Variants in EPHX1 observed in about 807,000 individuals in gnomAD.
EPHX1 encodes epoxide hydratase.
In EPHX1, 40 loss-of-function variants were observed where a neutral mutation model predicts 43.2. The observed-to-expected ratio is 0.93, with a 90% confidence interval of 0.72 to 1.21. The LOEUF (loss-of-function observed/expected upper bound fraction) is 1.21, where lower values mean the gene tolerates loss of function less well. EPHX1 is among the 50% of genes most tolerant of loss of function. The pLI is 0.00. For missense variants in EPHX1, 550 were observed against 570.4 expected (o/e 0.96, Z 0.36); for synonymous variants, 221 against 226.7 (o/e 0.98, Z 0.22).
intron 3 of EPHX1, among the ~76,000 whole-genome samples, chr1:225,833,572 G>A (rs979291496): frequency 2.0e-5 from 3 of 151,956 alleles, no homozygotes; most frequent in African/African-American, 7.3e-5. Flanking sequence ...GAGGCAGGTG[G>A]ATCACGAGGT....
intron 2 of EPHX1, among the ~76,000 whole-genome samples, chr1:225,829,116 T>A (rs1576003730): frequency 1.3e-5 from 2 of 152,146 alleles, no homozygotes; most frequent in Middle Eastern, 6.8e-3. Context: ...CCACTTTCTC[T>A]CTTCTCCTTT....
chr1:225,831,396 A>G (rs530286082), intron 2 of EPHX1, among the ~76,000 whole-genome samples: 10 of 152,202 alleles, frequency 6.6e-5, no homozygotes, highest in Non-Finnish European at 1.5e-4. Flanking sequence ...TAAAAATGCA[A>G]AAATTAGCCG....
rs1668512864 is a variant in EPHX1, at chr1:225,842,491, C to G, written c.1040+17C>G. ...CCTGGAAAGGTGAGGCCCTGGTTTG[C>G]CCCTGCAGTCATGACCCTGGTCCCA... On this transcript the variant is annotated intron_variant, in intron 7 of 8. Coordinates refer to ENST00000272167, the MANE Select transcript of EPHX1 (RefSeq NM_001136018.4). 1.9e-6 allele frequency: 3 copies of G among 1,568,082 alleles called. No individual in the cohort carries two copies. The highest frequency in any genetic ancestry group is 2.7e-5 in the African/African-American group (2 of 73,888).
In EPHX1 at chr1:225,828,112, G is replaced by A. The variant is rs373140482; in HGVS notation, c.-5-613G>A. ...TGTAATCCCAGCACTTTGGGAGGCC[G>A]AGGCGGGCGGATCACGAGGTCAAGA... is the stretch of plus-strand genomic sequence containing the variant. On this transcript the variant is annotated intron_variant, in intron 1 of 8. Coordinates refer to ENST00000272167, the MANE Select transcript of EPHX1 (RefSeq NM_001136018.4). Among the ~76,000 whole-genome samples, 26 of 152,276 alleles carry A rather than the reference G, an allele frequency of 1.7e-4. No individual in the cohort carries two copies. In the East Asian group the frequency reaches 4.8e-3, roughly 28 times the overall value.
chr1:225,831,991 T>A, intron 3 of EPHX1, 32 bp downstream of exon 3: 1 of 1,607,460 alleles, frequency 6.2e-7, no homozygotes, highest in Non-Finnish European at 8.5e-7. Flanking sequence ...CAGAGAGGGA[T>A]GTATGTCATG....
intron 3 of EPHX1, among the ~76,000 whole-genome samples, chr1:225,834,589 T>TAAAAAAAA: frequency 8.3e-6 from 1 of 121,182 alleles, no homozygotes; most frequent in Non-Finnish European, 1.7e-5. Flanking sequence ...CCAAGAACAC[T>TAAAAAAAA]AAAAAAAAAA....
In EPHX1 at chr1:225,845,511, A is replaced by C; in HGVS notation, c.*164A>C. ...CCTCCAAGCTCACTCCCCAACCCCCAACTCCGTGTGGTAAGCAACATGGCT... is the reference window on the plus strand; with the variant it reads ...CCTCCAAGCTCACTCCCCAACCCCCCACTCCGTGTGGTAAGCAACATGGCT... On this transcript the variant is annotated 3_prime_UTR_variant, in exon 9 of 9. Transcript: ENST00000272167. The C allele has an allele frequency of 3.0e-6, 2 of 667,748 alleles. No homozygotes were observed. Among genetic ancestry groups the C allele is most frequent in the Non-Finnish European group, 2.5e-6 (1 of 392,328 alleles). 41.4% of individuals were successfully genotyped at this position (667,748 alleles called of 1,614,324 possible). A position where few individuals can be genotyped will look rare whatever the true frequency, so the allele number is the denominator to read the frequency against.
Position 225,835,522 on chromosome 1 carries a change from T to C in EPHX1, c.365-3132T>C, listed in dbSNP as rs534456145. 2.0e-5 allele frequency among the ~76,000 whole-genome samples: 3 copies of C among 151,560 alleles called. No individual in the cohort carries two copies. The South Asian group carries it at 6.3e-4, about 32-fold the overall frequency. On this transcript the variant is annotated intron_variant, in intron 3 of 8. Coordinates refer to ENST00000272167, the MANE Select transcript of EPHX1 (RefSeq NM_001136018.4). ...CTCCTGCCTCAGCCTCCCGAGTAGC[T>C]GGGACTACAGGCGCCCGCCACCATG...
At chr1:225,841,009 C>T (rs1449982331) in intron 6 of EPHX1, 1 of 152,212 alleles carries the variant, frequency 6.6e-6, no homozygotes, top group Non-Finnish European at 1.5e-5. Context: ...CCTCTTCTCC[C>T]TCCCCACATC....
At chr1:225,823,031 AAC>A (rs1214738846) in intron 1 of EPHX1, among the ~76,000 whole-genome samples, 1 of 152,148 alleles carries the variant, frequency 6.6e-6, no homozygotes, top group African/African-American at 2.4e-5. Context: ...AAGAGGAAGG[AAC>A]ACACATGTTG....
chr1:225,834,331 G>A (rs1218846384), intron 3 of EPHX1, among the ~76,000 whole-genome samples: 2 of 151,896 alleles, frequency 1.3e-5, no homozygotes, highest in Non-Finnish European at 2.9e-5. Context: ...CTTGAACCAG[G>A]GAGGCGGAGG....
intron 7 of EPHX1, 115 bp downstream of exon 7, chr1:225,842,589 T>C (rs1286805488): frequency 1.2e-6 from 1 of 826,230 alleles, no homozygotes; most frequent in South Asian, 1.4e-5. Flanking sequence ...AATTCTATTG[T>C]TGGCTTTCTT....
At chr1:225,833,955 G>T (rs539160592) in intron 3 of EPHX1, among the ~76,000 whole-genome samples, 6 of 148,100 alleles carry the variant, frequency 4.1e-5, no homozygotes, top group Non-Finnish European at 1.5e-5. Context: ...AAAATTAGCC[G>T]GGCGTGGTGG....
chr1:225,839,366 G>GGTCT lies in EPHX1; in HGVS notation c.722+22_722+23insCTGT. 1 of 1,559,614 alleles carries GGTCT rather than the reference G, an allele frequency of 6.4e-7. No homozygotes were observed. Among genetic ancestry groups the GGTCT allele is most frequent in the Non-Finnish European group, 8.7e-7 (1 of 1,153,446 alleles). ...GCCCAGGTGAGGTCACTGTTGGGGT[G>GGTCT]GTGTGTGTGTGTGTGTGTGTGTGTG... On this transcript the variant is annotated intron_variant, in intron 5 of 8. Transcript: ENST00000272167.
intron 4 of EPHX1, 61 bp from the exon 5 acceptor site, chr1:225,839,155 AG>A: frequency 6.2e-7 from 1 of 1,611,954 alleles, no homozygotes; most frequent in Non-Finnish European, 8.5e-7. Flanking sequence ...AGAACACCAG[AG>A]GGCCCAAGGA....
intron 2 of EPHX1, 52 bp downstream of exon 2, chr1:225,828,964 G>A (rs533065039): frequency 8.4e-6 from 13 of 1,547,188 alleles, no homozygotes; most frequent in East Asian, 2.4e-5. Flanking sequence ...GTGGTGTGTC[G>A]AAGACAGGGG....
intron 1 of EPHX1, among the ~76,000 whole-genome samples, chr1:225,826,129 T>G (rs1263863244): frequency 6.6e-6 from 1 of 151,888 alleles, no homozygotes; most frequent in Non-Finnish European, 1.5e-5. Flanking sequence ...TGACATAGGG[T>G]CCTTGGGGCC....
chr1:225,844,075 T>C (rs1031019511), intron 7 of EPHX1, among the ~76,000 whole-genome samples: 30 of 152,014 alleles, frequency 2.0e-4, no homozygotes, highest in African/African-American at 7.3e-4. Context: ...ATGGAGATAA[T>C]AGTACCTATG....
chr1:225,839,396 TG>T, intron 5 of EPHX1, 50 bp downstream of exon 5: 2 of 1,601,762 alleles, frequency 1.2e-6, no homozygotes, highest in Non-Finnish European at 8.5e-7. Flanking sequence ...TGTGTGTGTG[TG>T]TGTGTCCTCT....
Sources: gnomAD v4.1 joint callset for allele counts (sites outside exome capture counted in the v4.1 genomes callset) on GRCh38, gnomAD v4.1.1 for gene constraint, MANE v1.5 for transcripts, NCBI Gene and HGNC (gene_info 2026-07-23, HGNC 2026-07-21) for gene names.